The following LEMD1 variants were observed in gnomAD, a reference collection of about 807,000 sequenced individuals.
LEMD1 encodes LEM domain containing 1, also known as LEM domain-containing protein 1.
Under a neutral mutation model 17.4 loss-of-function variants are expected in LEMD1, and 18 were observed. The observed-to-expected ratio is 1.04, with a 90% CI of 0.72 to 1.54. The LOEUF (loss-of-function observed/expected upper bound fraction) is 1.54. Among genes scored for constraint, LEMD1 ranks in the 40% most tolerant of loss-of-function variants. The pLI, the probability that LEMD1 is intolerant of heterozygous loss-of-function variation, is 0.00. For synonymous variants in LEMD1, 88 were observed against 77.8 expected, an observed-to-expected ratio of 1.13 and a Z score of -0.69; for missense variants, 195 against 210.4, an observed-to-expected ratio of 0.93 and a Z score of 0.45.
intron 1 of LEMD1, among the ~76,000 whole-genome samples, chr1:205,421,312 C>T (rs912680785): frequency 3.9e-5 from 6 of 152,118 alleles, no homozygotes; most frequent in South Asian, 2.1e-4. Context: ...TAACAAAATC[C>T]GCAAAAAGAC....
At position 205,446,015 on chromosome 1, in the gene LEMD1, T is replaced by C. The variant is rs532156583; in HGVS notation, c.-39+3853A>G. On this transcript the variant is annotated intron_variant, in intron 1 of 3. Coordinates refer to the LEMD1 transcript ENST00000367154. Reference sequence around the variant, plus strand: ...GCCCACTCTCGCAAGGGAGGCCTTATGCTGGGTATATCTGAGGACTGTAAA... The same window carrying C: ...GCCCACTCTCGCAAGGGAGGCCTTACGCTGGGTATATCTGAGGACTGTAAA... Among the ~76,000 whole-genome samples, 100 of 152,340 alleles carry C rather than the reference T, an allele frequency of 6.6e-4. 1 individual carries two copies. The highest frequency in any genetic ancestry group is 2.4e-3 in the African/African-American group (99 of 41,582).
chr1:205,442,236 C>CG, intron 1 of LEMD1, among the ~76,000 whole-genome samples: 1 of 152,162 alleles, frequency 6.6e-6, no homozygotes, highest in African/African-American at 2.4e-5. Context: ...CCAAGTGCTG[C>CG]GGGGAAGGAG....
intron 4 of LEMD1, among the ~76,000 whole-genome samples, chr1:205,391,995 C>T (rs1664363455): frequency 2.0e-5 from 3 of 151,308 alleles, no homozygotes; most frequent in South Asian, 4.2e-4. Flanking sequence ...CCTGTAATCC[C>T]AGCTACTCAG....
At chr1:205,407,552 C>A (rs565411087) in intron 4 of LEMD1, among the ~76,000 whole-genome samples, 1 of 152,242 alleles carries the variant, frequency 6.6e-6, no homozygotes, top group African/African-American at 2.4e-5. Flanking sequence ...CCAGAGAAAG[C>A]ATGGAAACTC....
At chr1:205,431,847 G>A (rs538804740) in intron 1 of LEMD1, among the ~76,000 whole-genome samples, 31 of 152,268 alleles carry the variant, frequency 2.0e-4, no homozygotes, top group African/African-American at 7.5e-4. Flanking sequence ...CTCCAGAGTA[G>A]CTGGGACTAC....
chr1:205,445,215 G>A (rs1038593641), intron 1 of LEMD1, among the ~76,000 whole-genome samples: 14 of 152,160 alleles, frequency 9.2e-5, no homozygotes, highest in Middle Eastern at 3.4e-3. Context: ...TGGCCGCCAC[G>A]GAGCCTCCTT....
intron 4 of LEMD1, among the ~76,000 whole-genome samples, chr1:205,411,671 A>AAAAGAAAGAAAGAAAGAAAG (rs199610367): frequency 3.4e-5 from 5 of 146,046 alleles, no homozygotes; most frequent in African/African-American, 1.0e-4. Flanking sequence ...AGAAAGAAAG[A>AAAAGAAAGAAAGAAAGAAAG]AAAGAAAGAA....
intron 4 of LEMD1, among the ~76,000 whole-genome samples, chr1:205,400,201 A>C (rs1415110458): frequency 6.6e-6 from 1 of 152,194 alleles, no homozygotes; most frequent in Non-Finnish European, 1.5e-5. Context: ...AGCTGGGACT[A>C]CGGGCACGTG....
Position 205,414,506 on chromosome 1 carries a change from C to A in LEMD1, c.270+1726G>T, listed in dbSNP as rs559513862. On this transcript the variant is annotated intron_variant, in intron 4 of 5. Transcript: ENST00000367153. ...GTGGTGTGATCATGGCTCACTGCAG[C>A]CTCAACCTCCCAGGCTCAAGCAGTC... Among the ~76,000 whole-genome samples, 16 of 152,038 alleles carry A rather than the reference C, an allele frequency of 1.1e-4. No individual in the cohort carries two copies. In the East Asian group the frequency reaches 3.1e-3, roughly 30 times the overall value.
At chr1:205,432,129 C>A (rs1241612334) in intron 1 of LEMD1, among the ~76,000 whole-genome samples, 2 of 152,066 alleles carry the variant, frequency 1.3e-5, no homozygotes. Flanking sequence ...CTCACTGTCT[C>A]TTTGGAAGAA....
chr1:205,419,276 AT>A lies in LEMD1; in HGVS notation c.158del (p.Asn53MetfsTer50). 6.2e-7 allele frequency: 1 copy of A among 1,614,222 alleles called. No homozygotes were observed. Among genetic ancestry groups the A allele is most frequent in the African/African-American group, 1.3e-5 (1 of 75,068 alleles). The part of the protein sequence containing the change: ...VSPPCAPPVM[N>X]GPRELDGAQD... Reference sequence around the variant, plus strand: ...GCGCTCCATCCAGCTCTCTGGGTCCATTCATCACAGGTGGTGCACAGGGAGG... The same window carrying A: ...GCGCTCCATCCAGCTCTCTGGGTCCATCATCACAGGTGGTGCACAGGGAGG... On this transcript the variant is annotated frameshift_variant, in exon 3 of 6. Coordinates refer to ENST00000367153, the MANE Select transcript of LEMD1 (RefSeq NM_001199050.2). LOFTEE classifies it high-confidence loss of function.
chr1:205,382,769 T>C (rs1663783528), intron 5 of LEMD1, among the ~76,000 whole-genome samples: 1 of 152,192 alleles, frequency 6.6e-6, no homozygotes, highest in Non-Finnish European at 1.5e-5. Flanking sequence ...TCAGGCCCCC[T>C]CCTTCCTCCC....
chr1:205,384,233 A>G, intron 5 of LEMD1, 55 bp downstream of exon 5: 1 of 1,053,200 alleles, frequency 9.5e-7, no homozygotes. Flanking sequence ...AGTTTTTTCC[A>G]GAGCTACAGA....
At chr1:205,440,970 C>T (rs956625934) in intron 1 of LEMD1, 3 of 152,454 alleles carry the variant, frequency 2.0e-5, no homozygotes, top group African/African-American at 7.2e-5. Flanking sequence ...CCTTCTTCCT[C>T]TTCATTTTGC....
intron 1 of LEMD1, among the ~76,000 whole-genome samples, chr1:205,430,725 G>C (rs549134256): frequency 1.5e-3 from 232 of 152,326 alleles, no homozygotes; most frequent in African/African-American, 5.4e-3. Context: ...TCAGCCGGGG[G>C]ACCCCCAAGC....
intron 2 of LEMD1, among the ~76,000 whole-genome samples, chr1:205,419,681 A>G (rs775907415): frequency 6.2e-4 from 95 of 152,082 alleles, no homozygotes; most frequent in Non-Finnish European, 1.0e-3. Context: ...GGCCAGGCTG[A>G]TCTTGAATTC....
At chr1:205,420,610 C>A in intron 1 of LEMD1, 36 bp from the exon 2 acceptor site, 1 of 1,138,112 alleles carries the variant, frequency 8.8e-7, no homozygotes, top group South Asian at 1.2e-5. Context: ...ATTAAGACAG[C>A]CTTACCAATA....
chr1:205,383,487 A>G (rs1663825345), intron 5 of LEMD1, among the ~76,000 whole-genome samples: 1 of 152,126 alleles, frequency 6.6e-6, no homozygotes, highest in Non-Finnish European at 1.5e-5. Context: ...TCTTCTCTTT[A>G]TGCTAGGAAT....
chr1:205,402,378 T>C lies in LEMD1; in HGVS notation c.270+13854A>G, dbSNP rs1223808655. On this transcript the variant is annotated intron_variant, in intron 4 of 5. Coordinates refer to ENST00000367153, the MANE Select transcript of LEMD1 (RefSeq NM_001199050.2). ...TTTGTTTGTATCCTCTTTTATTTCA[T>C]TGAGCAGTGATTTGTAGTTCTCCTT... 4.6e-5 allele frequency among the ~76,000 whole-genome samples: 7 copies of C among 152,302 alleles called. No individual in the cohort carries two copies. In the East Asian group the frequency reaches 1.3e-3, roughly 29 times the overall value.
Sources: gnomAD v4.1 joint callset for allele counts (sites outside exome capture counted in the v4.1 genomes callset) on GRCh38, gnomAD v4.1.1 for gene constraint, MANE v1.5 for transcripts, NCBI Gene and HGNC (gene_info 2026-07-23, HGNC 2026-07-21) for gene names.